The following HNRNPC variants were observed in gnomAD, a reference collection of about 807,000 sequenced individuals.
The protein encoded by HNRNPC is heterogeneous nuclear ribonucleoprotein C.
In HNRNPC, 3 loss-of-function variants were observed where a neutral mutation model predicts 33.2. The ratio of observed to expected loss-of-function variants is 0.09; its 90% CI spans 0.04 to 0.23. The LOEUF (loss-of-function observed/expected upper bound fraction) is 0.23. HNRNPC is among the 10% of genes least tolerant of loss of function. HNRNPC has a pLI of 1.00. For missense variants in HNRNPC, 143 were observed against 366.7 expected, an observed-to-expected ratio of 0.39 and a Z score of 4.98; for synonymous variants, 121 against 126.7, an observed-to-expected ratio of 0.96 and a Z score of 0.30.
chr14:21,231,457 G>T, intron 3 of HNRNPC: 1 of 453,668 alleles, frequency 2.2e-6, no homozygotes, highest in Non-Finnish European at 4.4e-6. Flanking sequence ...CCGAAGCTCA[G>T]GTGATCCTCC....
chr14:21,250,714 T>TA (rs1239800340), intron 2 of HNRNPC, among the ~76,000 whole-genome samples: 3 of 152,238 alleles, frequency 2.0e-5, no homozygotes, highest in Non-Finnish European at 4.4e-5. Context: ...TAAATGTGGC[T>TA]ACACTGTAGT....
chr14:21,268,902 C>T (rs961100440), intron 1 of HNRNPC, among the ~76,000 whole-genome samples: 1 of 151,982 alleles, frequency 6.6e-6, no homozygotes, highest in Non-Finnish European at 1.5e-5. Context: ...TTCCCCCTTC[C>T]CCTCCCCCAC....
chr14:21,231,815 T>C (rs1017051658), intron 3 of HNRNPC, among the ~76,000 whole-genome samples: 2 of 152,198 alleles, frequency 1.3e-5, no homozygotes, highest in Non-Finnish European at 2.9e-5. Context: ...AAGAGAAAAC[T>C]ATCACTGGTT....
intron 5 of HNRNPC, among the ~76,000 whole-genome samples, chr14:21,215,922 AAAG>A (rs1892116393): frequency 2.7e-5 from 4 of 146,602 alleles, no homozygotes; most frequent in Non-Finnish European, 5.9e-5. Flanking sequence ...AGAAAGGAAG[AAAG>A]AAAGAAAAGG....
Position 21,251,409 on chromosome 14 carries a change from T to C in HNRNPC, c.-37+11902A>G, listed in dbSNP as rs1288878467. Among the ~76,000 whole-genome samples the C allele has an allele frequency of 2.0e-5, 3 of 152,040 alleles. No homozygotes were observed. In the East Asian group the frequency reaches 5.8e-4, roughly 29 times the overall value. ...CTACAATGCTTGCAGCCAGGTGTGG[T>C]GGCTCACACCTGTACTCCCAACACT... On this transcript the variant is annotated intron_variant, in intron 2 of 8. Coordinates refer to ENST00000553300, the MANE Select transcript of HNRNPC (RefSeq NM_004500.4).
At chr14:21,221,029 G>A (rs1182548651) in intron 5 of HNRNPC, among the ~76,000 whole-genome samples, 1 of 152,138 alleles carries the variant, frequency 6.6e-6, no homozygotes, top group Non-Finnish European at 1.5e-5. Context: ...AAAAGGTGCA[G>A]TGAGCTGAGA....
chr14:21,267,813 A>T (rs973265439), intron 1 of HNRNPC, among the ~76,000 whole-genome samples: 5 of 152,218 alleles, frequency 3.3e-5, no homozygotes, highest in African/African-American at 4.8e-5. Context: ...GTTCTTAAAT[A>T]CTAATTTCTG....
chr14:21,268,121 T>G (rs1048151961), intron 1 of HNRNPC, among the ~76,000 whole-genome samples: 1 of 152,180 alleles, frequency 6.6e-6, no homozygotes, highest in African/African-American at 2.4e-5. Context: ...CATGTGAGGA[T>G]TAAAAAAAGC....
intron 3 of HNRNPC, 116 bp from the exon 4 acceptor site, chr14:21,231,188 G>T: frequency 1.0e-6 from 1 of 990,516 alleles, no homozygotes; most frequent in Non-Finnish European, 1.5e-6. Context: ...AGGCTGGAGT[G>T]CAGTGGTGTC....
Position 21,225,847 on chromosome 14 carries a change from T to C in HNRNPC, c.365+4472A>G, listed in dbSNP as rs187856678. 1.2e-4 allele frequency among the ~76,000 whole-genome samples: 18 copies of C among 152,270 alleles called. No homozygotes were observed. In the East Asian group the frequency reaches 3.5e-3, roughly 29 times the overall value. ...ATTATCTAATTTGAGAACAATTTCATGGGTGATCAATTATAAGGGAAAGTG... is the reference window on the plus strand; with the variant it reads ...ATTATCTAATTTGAGAACAATTTCACGGGTGATCAATTATAAGGGAAAGTG... On this transcript the variant is annotated intron_variant, in intron 5 of 8. Coordinates refer to ENST00000553300, the MANE Select transcript of HNRNPC (RefSeq NM_004500.4).
intron 2 of HNRNPC, among the ~76,000 whole-genome samples, chr14:21,237,653 C>T (rs745449453): frequency 1.3e-5 from 2 of 152,196 alleles, no homozygotes; most frequent in African/African-American, 2.4e-5. Context: ...TAACATGTTA[C>T]GCAGACTGTT....
rs183248282 is a variant in HNRNPC at position 21,209,151 on chromosome 14, C to T, written c.*2072G>A. ...GTTACAACTATTTACATACCATTTACATTTTATCAGGTATTTTAATGTAGA... is the reference window on the plus strand; with the variant it reads ...GTTACAACTATTTACATACCATTTATATTTTATCAGGTATTTTAATGTAGA... On this transcript the variant is annotated 3_prime_UTR_variant, in exon 9 of 9. Transcript: ENST00000553300. 3.0e-4 allele frequency: 45 copies of T among 152,226 alleles called. No individual in the cohort carries two copies. Among genetic ancestry groups the T allele is most frequent in the African/African-American group, 1.0e-3 (43 of 41,544 alleles). 9.4% of individuals were successfully genotyped at this position (152,226 alleles called of 1,614,324 possible). A position where few individuals can be genotyped will look rare whatever the true frequency, so the allele number is the denominator to read the frequency against.
intron 1 of HNRNPC, chr14:21,268,700 T>C (rs1344342127): frequency 3.3e-5 from 5 of 152,228 alleles, no homozygotes; most frequent in African/African-American, 7.2e-5. Context: ...TAAATATTAA[T>C]ATAGTTATAT....
At chr14:21,267,119 A>C (rs1421644453) in intron 1 of HNRNPC, among the ~76,000 whole-genome samples, 3 of 126,202 alleles carry the variant, frequency 2.4e-5, no homozygotes, top group Admixed American at 8.3e-5. Flanking sequence ...AAAAAAAAAA[A>C]AAAAAAAACA....
chr14:21,267,937 C>A (rs983125605), intron 1 of HNRNPC, among the ~76,000 whole-genome samples: 1 of 152,150 alleles, frequency 6.6e-6, no homozygotes, highest in African/African-American at 2.4e-5. Flanking sequence ...TAATAATATA[C>A]ATGTTTAAGC....
At chr14:21,246,413 A>G (rs1343636674) in intron 2 of HNRNPC, among the ~76,000 whole-genome samples, 1 of 151,888 alleles carries the variant, frequency 6.6e-6, no homozygotes, top group Non-Finnish European at 1.5e-5. Flanking sequence ...CAAAAACAAA[A>G]AAATTAGCCG....
At chr14:21,233,841 G>T in intron 3 of HNRNPC, 112 bp downstream of exon 3, 1 of 1,306,654 alleles carries the variant, frequency 7.7e-7, no homozygotes, top group South Asian at 1.4e-5. Flanking sequence ...CTAAACAGTC[G>T]CAATATCCAG....
chr14:21,253,581 A>C (rs1896899726), intron 2 of HNRNPC, among the ~76,000 whole-genome samples: 1 of 152,068 alleles, frequency 6.6e-6, no homozygotes, highest in African/African-American at 2.4e-5. Flanking sequence ...TCAATGTTTC[A>C]CTCAAAATCT....
At chr14:21,258,928 C>CT (rs1299525109) in intron 2 of HNRNPC, among the ~76,000 whole-genome samples, 1 of 152,180 alleles carries the variant, frequency 6.6e-6, no homozygotes, top group African/African-American at 2.4e-5. Flanking sequence ...TACTGCCCTA[C>CT]TTGCCCTCTT....
Sources: gnomAD v4.1 joint callset for allele counts (sites outside exome capture counted in the v4.1 genomes callset) on GRCh38, gnomAD v4.1.1 for gene constraint, MANE v1.5 for transcripts, NCBI Gene and HGNC (gene_info 2026-07-23, HGNC 2026-07-21) for gene names.